AKR7A3: variants seen among roughly 807,000 people sequenced by gnomAD.
AKR7A3 encodes the protein AFB1 aldehyde reductase 2.
A neutral mutation model predicts 32.5 loss-of-function variants in AKR7A3; 37 were observed. The observed-to-expected ratio is 1.14, with a 90% confidence interval of 0.88 to 1.50. The LOEUF is 1.50. Among genes scored for constraint, AKR7A3 ranks in the 40% most tolerant of loss-of-function variants. AKR7A3 has a pLI of 0.00. For missense variants in AKR7A3, 412 were observed against 453.2 expected (o/e 0.91, Z 0.83); for synonymous variants, 177 against 188.4 (o/e 0.94, Z 0.50).
downstream of AKR7A3, among the ~76,000 whole-genome samples, chr1:19,279,483 T>G (rs1212242599): frequency 6.6e-6 from 1 of 151,890 alleles, no homozygotes; most frequent in East Asian, 1.9e-4. Flanking sequence ...ATTTTATGTT[T>G]AATCCTCTGA....
At chr1:19,286,648 A>G (rs1403455150) in intron 1 of AKR7A3, among the ~76,000 whole-genome samples, 2 of 151,858 alleles carry the variant, frequency 1.3e-5, no homozygotes, top group Non-Finnish European at 2.9e-5. Flanking sequence ...GCCACAGCAC[A>G]ATGTCTCACA....
downstream of AKR7A3, among the ~76,000 whole-genome samples, chr1:19,279,304 A>G (rs2093715573): frequency 6.6e-6 from 1 of 151,882 alleles, no homozygotes; most frequent in Admixed American, 6.6e-5. Flanking sequence ...TGAATATACC[A>G]CATTTTGTTT....
At chr1:19,285,824 G>A in intron 3 of AKR7A3, 64 bp downstream of exon 3, 2 of 1,600,410 alleles carry the variant, frequency 1.2e-6, no homozygotes. Flanking sequence ...AGTCAGAGGG[G>A]CAAAGACAGC....
At chr1:19,286,444 G>A (rs2093730189) in intron 1 of AKR7A3, 72 bp from the exon 2 acceptor site, 4 of 1,465,090 alleles carry the variant, frequency 2.7e-6, no homozygotes, top group Admixed American at 1.8e-5. Context: ...CACTTTGGGA[G>A]ACTGAGGCAG....
chr1:19,286,231 G>T lies in AKR7A3; in HGVS notation c.356C>A (p.Thr119Asn), dbSNP rs1260630728. ...GGCACGCAGTGTCTCTTCCACCGGG[G>T]TGCTGTGGTCTGGCATATGCAGGTA... The part of the protein sequence containing the change: ...LFYLHMPDHS[T>N]PVEETLRACH... Residue 119 changes from threonine to asparagine, a missense_variant, in exon 2 of 7, where the codon ACC (threonine) becomes AAC (asparagine). Physicochemically the swap from Thr to Asn is moderately conservative, Grantham distance 65. Coordinates refer to ENST00000361640, the MANE Select transcript of AKR7A3 (RefSeq NM_012067.3). 2.5e-6 allele frequency: 4 copies of T among 1,613,416 alleles called. No homozygotes were observed. The highest frequency in any genetic ancestry group is 3.4e-6 in the Non-Finnish European group (4 of 1,180,028).
intron 1 of AKR7A3, among the ~76,000 whole-genome samples, chr1:19,287,536 G>A (rs1310439479): frequency 2.6e-5 from 4 of 151,920 alleles, no homozygotes; most frequent in African/African-American, 9.7e-5. Context: ...CCCTCACTAT[G>A]TGCCTGCCAG....
intron 3 of AKR7A3, among the ~76,000 whole-genome samples, 164 bp from the exon 4 acceptor site, chr1:19,285,278 T>A (rs1019971181): frequency 1.3e-5 from 2 of 151,984 alleles, no homozygotes; most frequent in African/African-American, 2.4e-5. Flanking sequence ...CTTATGCCCA[T>A]GGAAAATTCA....
chr1:19,280,024 A>G (rs566159270), downstream of AKR7A3, among the ~76,000 whole-genome samples: 187 of 151,912 alleles, frequency 1.2e-3, 1 homozygote, highest in Non-Finnish European at 2.4e-3. Context: ...CAGGGAAACC[A>G]AAAGATTGGA....
At chr1:19,285,141 A>T in intron 3 of AKR7A3, 27 bp from the exon 4 acceptor site, 8 of 1,608,694 alleles carry the variant, frequency 5.0e-6, no homozygotes, top group Non-Finnish European at 6.8e-6. Flanking sequence ...CCCGGGGGAG[A>T]GGGTGGATGT....
chr1:19,278,958 T>G (rs1254063863), downstream of AKR7A3, among the ~76,000 whole-genome samples: 1 of 151,950 alleles, frequency 6.6e-6, no homozygotes, highest in East Asian at 1.9e-4. Flanking sequence ...TCATTTTATT[T>G]ACTTATTTAT....
At position 19,282,735 on chromosome 1, in the gene AKR7A3, C is replaced by A. The variant is rs368739749; in HGVS notation, c.992G>T (p.Arg331Leu). 3.1e-6 allele frequency: 5 copies of A among 1,613,712 alleles called. No individual in the cohort carries two copies. Among genetic ancestry groups the A allele is most frequent in the African/African-American group, 2.7e-5 (2 of 74,592 alleles). ...LVTHECPNYF[R>L] ...GCAGCCTGAGAAACGATGGGCCTAG[C>A]GGAAGTAGTTGGGACATTCGTGAGT... is the stretch of plus-strand genomic sequence containing the variant. The change falls in exon 7 of 7, where the codon CGC becomes CTC. Residue 331 changes from arginine (R) to leucine (L), a missense_variant. Arg to Leu is a moderately radical substitution (Grantham distance 102). Coordinates refer to ENST00000361640, the MANE Select transcript of AKR7A3 (RefSeq NM_012067.3).
rs2093735046 is a variant in AKR7A3, at chr1:19,288,484, G to A, written c.214+12C>T. On this transcript the variant is annotated intron_variant, in intron 1 of 6. Coordinates refer to ENST00000361640, the MANE Select transcript of AKR7A3 (RefSeq NM_012067.3). ...TGCACCGTGCAGGGGGAGGATCAGG[G>A]GCCACTGTTACCTCTGCAGTCGCTG... 1 of 1,609,990 alleles carries A rather than the reference G, an allele frequency of 6.2e-7. No individual in the cohort carries two copies. Among genetic ancestry groups the A allele is most frequent in the East Asian group, 2.2e-5 (1 of 44,806 alleles).
chr1:19,287,945 C>T (rs548641605), intron 1 of AKR7A3, among the ~76,000 whole-genome samples: 1 of 152,326 alleles, frequency 6.6e-6, no homozygotes, highest in South Asian at 2.1e-4. Context: ...CGGGCACTGC[C>T]ACCCTTGTGA....
downstream of AKR7A3, among the ~76,000 whole-genome samples, chr1:19,277,600 C>A (rs1007597863): frequency 6.6e-6 from 1 of 151,834 alleles, no homozygotes; most frequent in African/African-American, 2.4e-5. Context: ...CGGCTCACTG[C>A]AATCTCGGTG....
intron 3 of AKR7A3, among the ~76,000 whole-genome samples, chr1:19,285,684 C>T (rs549128239): frequency 1.5e-4 from 22 of 151,608 alleles, no homozygotes; most frequent in African/African-American, 5.4e-4. Context: ...CCAAGGTGCA[C>T]AGATAGGCAG....
At chr1:19,284,220 A>C in intron 5 of AKR7A3, 95 bp from the exon 6 acceptor site, 2 of 1,478,606 alleles carry the variant, frequency 1.4e-6, no homozygotes, top group Non-Finnish European at 1.8e-6. Context: ...CACACCCTGC[A>C]GCCCTGAGGG....
downstream of AKR7A3, chr1:19,282,562 A>G (rs74644417): frequency 0.035 from 40,716 of 1,154,834 alleles, 814 homozygotes; most frequent in South Asian, 0.054. Context: ...ACAGACTAAC[A>G]CACAGCACCC....
In AKR7A3 at chr1:19,288,620, T is replaced by G. The variant is rs2093735469; in HGVS notation, c.90A>C (p.Ala30=). 1.9e-6 allele frequency: 3 copies of G among 1,575,858 alleles called. No homozygotes were observed. Among genetic ancestry groups the G allele is most frequent in the Admixed American group, 3.7e-5 (2 of 54,794 alleles). Residue 30 remains alanine (A), a synonymous_variant, in exon 1 of 7, where the codon GCA becomes GCC. Coordinates refer to ENST00000361640, the MANE Select transcript of AKR7A3 (RefSeq NM_012067.3). The part of the protein sequence containing the change: ...GRRMDAPTSA[A]VTRAFLERGH... ...CGCGCTCCAGGAAGGCGCGCGTGAC[T>G]GCGGCGCTGGTGGGCGCGTCCATGC...
chr1:19,288,316 G>A (rs1185213407), intron 1 of AKR7A3, among the ~76,000 whole-genome samples, 180 bp downstream of exon 1: 2 of 151,808 alleles, frequency 1.3e-5, no homozygotes, highest in Admixed American at 6.6e-5. Flanking sequence ...AAAGTTGTCC[G>A]GAGCTAGACG....
Sources: allele counts gnomAD v4.1 joint callset (sites outside exome capture counted in the v4.1 genomes callset), GRCh38; gene constraint gnomAD v4.1.1; transcripts MANE v1.5; gene names NCBI Gene and HGNC (gene_info 2026-07-23, HGNC 2026-07-21).